POFUT2: variants seen among roughly 807,000 people sequenced by gnomAD.
The protein encoded by POFUT2 is protein O-fucosyltransferase 2.
A neutral mutation model predicts 55.0 loss-of-function variants in POFUT2; 30 were observed. The observed-to-expected ratio is 0.55, with a 90% CI of 0.41 to 0.74. The LOEUF is 0.74. Ranked by LOEUF, POFUT2 falls within the 30% of genes least tolerant of loss-of-function variation. The pLI, the probability that POFUT2 is intolerant of heterozygous loss-of-function variation, is 0.00. For synonymous variants in POFUT2, 267 were observed against 231.1 expected (o/e 1.16, Z -1.41); for missense variants, 524 against 562.6 (o/e 0.93, Z 0.69).
In POFUT2 at chr21:45,267,197, G is replaced by T; in HGVS notation, c.1136+393C>A. ...GAGGGCCCACGCTCCCGGCCTCGGGGACGCTCACGGATGCTCAACAACACA... is the reference window on the plus strand; with the variant it reads ...GAGGGCCCACGCTCCCGGCCTCGGGTACGCTCACGGATGCTCAACAACACA... On this transcript the variant is annotated intron_variant, in intron 8 of 8. Coordinates refer to ENST00000349485, the MANE Select transcript of POFUT2 (RefSeq NM_133635.6). This position sits in a 1 kb window ranked among gnomAD's most constrained non-coding sequence, Gnocchi z 4.4. 1 of 1,375,066 alleles carries T rather than the reference G, an allele frequency of 7.3e-7. No individual in the cohort carries two copies. The highest frequency in any genetic ancestry group is 9.4e-7 in the Non-Finnish European group (1 of 1,063,412). The allele number at this position is 1,375,066 out of a possible 1,614,324, so 85.2% of individuals were successfully genotyped here. A position where few individuals can be genotyped will look rare whatever the true frequency, so the allele number is the denominator to read the frequency against.
Position 45,282,992 on chromosome 21 carries a change from C to T in POFUT2, c.527+391G>A, listed in dbSNP as rs1042212273. The T allele has an allele frequency of 1.1e-5, 5 of 461,072 alleles. No homozygotes were observed. Among genetic ancestry groups the T allele is most frequent in the East Asian group, 1.4e-4 (2 of 14,350 alleles). The allele number at this position is 461,072 out of a possible 1,614,324, so 28.6% of individuals were successfully genotyped here. A position where few individuals can be genotyped will look rare whatever the true frequency, so the allele number is the denominator to read the frequency against. On this transcript the variant is annotated intron_variant, in intron 3 of 8. Coordinates refer to ENST00000349485, the MANE Select transcript of POFUT2 (RefSeq NM_133635.6). The surrounding 1 kb of genome is among the most constrained non-coding windows in gnomAD (Gnocchi z 4.6). Reference sequence around the variant, plus strand: ...ACACAGGGAAAGAGGCACGGGGTCTCAGCCAGATGTTCATCACGGCCCATT... The same window carrying T: ...ACACAGGGAAAGAGGCACGGGGTCTTAGCCAGATGTTCATCACGGCCCATT...
intron 6 of POFUT2, 60 bp downstream of exon 6, chr21:45,276,957 G>A: frequency 6.3e-7 from 1 of 1,577,848 alleles, no homozygotes. Context: ...AGGCCTGAGT[G>A]TGGGGCATCT....
At chr21:45,268,905 G>A (rs1228824793) in intron 7 of POFUT2, among the ~76,000 whole-genome samples, 1 of 102,872 alleles carries the variant, frequency 9.7e-6, no homozygotes, top group African/African-American at 4.0e-5. Flanking sequence ...GTCCGGGAGG[G>A]AGGTGGGGGG....
chr21:45,287,684 C>CCAAA, intron 1 of POFUT2, 57 bp downstream of exon 1: 10 of 454,490 alleles, frequency 2.2e-5, no homozygotes, highest in Middle Eastern at 4.0e-4. Context: ...CCCATCCCAT[C>CCAAA]CTCTGACCCT....
At position 45,267,439 on chromosome 21, in the gene POFUT2, G is replaced by T. The variant is rs763832357; in HGVS notation, c.1136+151C>A. 6.2e-7 allele frequency: 1 copy of T among 1,613,022 alleles called. No homozygotes were observed. ...AGCCCAGGGAAACACTGAACCAGAT[G>T]CTACAGGAGACTCAGACGAGGAGGC... On this transcript the variant is annotated intron_variant, in intron 8 of 8. Coordinates refer to ENST00000349485, the MANE Select transcript of POFUT2 (RefSeq NM_133635.6). The surrounding 1 kb of genome is among the most constrained non-coding windows in gnomAD (Gnocchi z 4.4).
In POFUT2 at chr21:45,284,449, T is replaced by C. The variant is rs935292275; in HGVS notation, c.383-922A>G. Among the ~76,000 whole-genome samples the C allele has an allele frequency of 6.6e-6, 1 of 152,170 alleles. No individual in the cohort carries two copies. The highest frequency in any genetic ancestry group is 2.4e-5 in the African/African-American group (1 of 41,426). On this transcript the variant is annotated intron_variant, in intron 2 of 8. Coordinates refer to ENST00000349485, the MANE Select transcript of POFUT2 (RefSeq NM_133635.6). The surrounding 1 kb of genome is among the most constrained non-coding windows in gnomAD (Gnocchi z 5.8). ...CACCGTGTGCAGTCTCTTGGCAGCC[T>C]CGCCCTAGGACAGGCACCCAGTTCC... is the stretch of plus-strand genomic sequence containing the variant.
chr21:45,267,210 GCTCAA>G lies in POFUT2; in HGVS notation c.1136+375_1136+379del. 1 of 1,400,684 alleles carries G rather than the reference GCTCAA, an allele frequency of 7.1e-7. No homozygotes were observed. The allele number at this position is 1,400,684 out of a possible 1,614,324, so 86.8% of individuals were successfully genotyped here. ...CCCGGCCTCGGGGACGCTCACGGAT[GCTCAA>G]CAACACAGCAACAAGGACATGCCCA... On this transcript the variant is annotated intron_variant, in intron 8 of 8. Transcript: ENST00000349485. The surrounding 1 kb of genome is among the most constrained non-coding windows in gnomAD (Gnocchi z 4.4).
rs1456823680 is a variant in POFUT2, at chr21:45,265,744, C to T, written c.1137-109G>A. The T allele has an allele frequency of 6.7e-7, 1 of 1,494,306 alleles. No homozygotes were observed. Among genetic ancestry groups the T allele is most frequent in the Non-Finnish European group, 8.9e-7 (1 of 1,127,014 alleles). 92.6% of individuals were successfully genotyped at this position (1,494,306 alleles called of 1,614,324 possible). On this transcript the variant is annotated intron_variant, in intron 8 of 8. Coordinates refer to ENST00000349485, the MANE Select transcript of POFUT2 (RefSeq NM_133635.6). The surrounding 1 kb of genome is among the most constrained non-coding windows in gnomAD (Gnocchi z 4.6). ...CTGAGTGAAATGAGTTCCACAGTTA[C>T]ATGGAACCAACACGGCCGTCCCCCG...
rs766453067 is a variant in POFUT2, at chr21:45,265,204, G to A, written c.*278C>T. 1.3e-4 allele frequency: 43 copies of A among 334,234 alleles called. No individual in the cohort carries two copies. The highest frequency in any genetic ancestry group is 4.2e-5 in the African/African-American group (2 of 47,074). 20.7% of individuals were successfully genotyped at this position (334,234 alleles called of 1,614,324 possible). On this transcript the variant is annotated 3_prime_UTR_variant, in exon 9 of 9. Coordinates refer to ENST00000349485, the MANE Select transcript of POFUT2 (RefSeq NM_133635.6). This position sits in a 1 kb window ranked among gnomAD's most constrained non-coding sequence, Gnocchi z 4.6. ...CACTCCTGCTTCTGGGTCACCACGCGGGCACTGCTGGCAACCGAGCTGTGG... is the reference window on the plus strand; with the variant it reads ...CACTCCTGCTTCTGGGTCACCACGCAGGCACTGCTGGCAACCGAGCTGTGG...
At chr21:45,280,475 T>C (rs1424777437) in intron 4 of POFUT2, among the ~76,000 whole-genome samples, 3 of 152,164 alleles carry the variant, frequency 2.0e-5, no homozygotes, top group Non-Finnish European at 4.4e-5. Context: ...ATGTCCCGCA[T>C]TCAGGGTGCA....
chr21:45,268,315 C>T (rs1280215635), intron 7 of POFUT2, among the ~76,000 whole-genome samples: 2 of 152,192 alleles, frequency 1.3e-5, no homozygotes, highest in African/African-American at 4.8e-5. Flanking sequence ...AGTGCAGTGG[C>T]GTGATCTCGG....
At position 45,285,732 on chromosome 21, in the gene POFUT2, G is replaced by C; in HGVS notation, c.328C>G (p.Leu110Val). The change falls in exon 2 of 9, where the codon CTT becomes GTT. Residue 110 changes from leucine to valine, a missense_variant. Physicochemically the swap from Leu to Val is conservative, Grantham distance 32. This residue lies in a region of POFUT2 where 274 missense variants were observed against 244.4 expected (regional missense o/e 1.12). Coordinates refer to ENST00000349485, the MANE Select transcript of POFUT2 (RefSeq NM_133635.6). The surrounding 1 kb of genome is among the most constrained non-coding windows in gnomAD (Gnocchi z 4.9). ...GGGATGTTTTTATTGAGACTTGGAAGATCAAAAAACTCAGACCAGGGAATC... is the reference window on the plus strand; with the variant it reads ...GGGATGTTTTTATTGAGACTTGGAACATCAAAAAACTCAGACCAGGGAATC... ...VRIPWSEFFD[L>V]PSLNKNIPVI... 1 of 1,613,862 alleles carries C rather than the reference G, an allele frequency of 6.2e-7. No homozygotes were observed.
At chr21:45,283,650 A>G (rs1211838202) in intron 2 of POFUT2, 123 bp from the exon 3 acceptor site, 1 of 1,023,342 alleles carries the variant, frequency 9.8e-7, no homozygotes, top group Non-Finnish European at 1.5e-6. Context: ...AAGGGAGTGT[A>G]GGAGGCTCAC....
intron 4 of POFUT2, among the ~76,000 whole-genome samples, chr21:45,278,590 G>A (rs1007962145): frequency 2.0e-5 from 3 of 152,186 alleles, no homozygotes; most frequent in Non-Finnish European, 4.4e-5. Context: ...TCACTGACTC[G>A]AGCTCAAAGC....
In POFUT2 at chr21:45,285,930, T is replaced by C; in HGVS notation, c.132-2A>G. ...GGGTTGACGTCATACAGAAGATACC[T>C]GAGCAGGGAGAAGGAGGACCACAGG... On this transcript the variant is annotated splice_acceptor_variant, in intron 1 of 8. Transcript: ENST00000349485. LOFTEE classifies it high-confidence loss of function. The surrounding 1 kb of genome is among the most constrained non-coding windows in gnomAD (Gnocchi z 4.9). The C allele has an allele frequency of 1.9e-6, 3 of 1,598,320 alleles. No individual in the cohort carries two copies. The highest frequency in any genetic ancestry group is 2.6e-6 in the Non-Finnish European group (3 of 1,171,052).
In POFUT2 at chr21:45,267,680, A is replaced by G. The variant is rs147433641; in HGVS notation, c.1046T>C (p.Met349Thr). ...YEELKKLLPEMVRFEPTWEEL... is the reference protein window; with the variant it reads ...YEELKKLLPETVRFEPTWEEL... The stretch of plus-strand genomic sequence containing the variant: ...CTCCCACGTGGGTTCAAACCTCACC[A>G]TCTCGGGTAACAGCTTTTTTAGCTC... Residue 349 changes from methionine (M) to threonine (T), a missense_variant, in exon 8 of 9, where the codon ATG becomes ACG. By Grantham distance (81) the Met-to-Thr change is moderately conservative. Coordinates refer to ENST00000349485, the MANE Select transcript of POFUT2 (RefSeq NM_133635.6). The surrounding 1 kb of genome is among the most constrained non-coding windows in gnomAD (Gnocchi z 4.4). 893 of 1,614,164 alleles carry G rather than the reference A, an allele frequency of 5.5e-4. 1 individual carries two copies. Among genetic ancestry groups the G allele is most frequent in the South Asian group, 1.4e-3 (132 of 91,086 alleles).
intron 7 of POFUT2, among the ~76,000 whole-genome samples, chr21:45,269,553 A>G (rs374969621): frequency 5.3e-5 from 8 of 152,224 alleles, no homozygotes; most frequent in African/African-American, 1.4e-4. Context: ...TAAGGGCGGT[A>G]CAAGATGTGC....
At position 45,282,108 on chromosome 21, in the gene POFUT2, G is replaced by A. The variant is rs118162980; in HGVS notation, c.638+241C>T. On this transcript the variant is annotated intron_variant, in intron 4 of 8. Transcript: ENST00000349485. This position sits in a 1 kb window ranked among gnomAD's most constrained non-coding sequence, Gnocchi z 4.6. The stretch of plus-strand genomic sequence containing the variant: ...CCCTCCCTGTGCACCTGGCCGGGCC[G>A]AGCCCTCACCTCTGTGCCCCTCACC... Among the ~76,000 whole-genome samples the A allele has an allele frequency of 3.9e-4, 59 of 151,862 alleles. No homozygotes were observed. The East Asian group carries it at 9.5e-3, about 24-fold the overall frequency.
Position 45,281,949 on chromosome 21 carries a change from C to T in POFUT2, c.638+400G>A, listed in dbSNP as rs984759562. Among the ~76,000 whole-genome samples the T allele has an allele frequency of 5.9e-5, 9 of 152,104 alleles. No individual in the cohort carries two copies. Among genetic ancestry groups the T allele is most frequent in the Admixed American group, 5.2e-4 (8 of 15,278 alleles). On this transcript the variant is annotated intron_variant, in intron 4 of 8. Coordinates refer to ENST00000349485, the MANE Select transcript of POFUT2 (RefSeq NM_133635.6). This position sits in a 1 kb window ranked among gnomAD's most constrained non-coding sequence, Gnocchi z 5.0. ...GTGGCTGCATGATCCTCCCCAGACC[C>T]GTGAGGCAGAAAACAGATCAAACAG...
Sources: gnomAD v4.1 joint callset for allele counts (sites outside exome capture counted in the v4.1 genomes callset) on GRCh38, gnomAD v4.1.1 for gene constraint, gnomAD v4.1.1 regional missense constraint, Gnocchi (gnomAD v3.1) non-coding constraint, MANE v1.5 for transcripts, NCBI Gene and HGNC (gene_info 2026-07-23, HGNC 2026-07-21) for gene names.